MTPN: variants seen among roughly 807,000 people sequenced by gnomAD.
MTPN encodes granule cell differentiation protein.
Under a neutral mutation model 13.5 loss-of-function variants are expected in MTPN, and 2 were observed. The observed-to-expected ratio is 0.15, with a 90% confidence interval of 0.06 to 0.47. MTPN has a LOEUF of 0.47. MTPN is among the 20% of genes least tolerant of loss of function. MTPN has a pLI of 0.97. For missense variants in MTPN, 79 were observed against 137.9 expected (o/e 0.57, Z 2.14); for synonymous variants, 46 against 51.7 (o/e 0.89, Z 0.48).
chr7:135,935,618 A>G (rs1308060238), intron 3 of MTPN, among the ~76,000 whole-genome samples: 1 of 152,190 alleles, frequency 6.6e-6, no homozygotes, highest in East Asian at 1.9e-4. Flanking sequence ...CATACTGTTC[A>G]TATACCTAAA....
chr7:135,937,374 C>A (rs1240594429), intron 3 of MTPN, among the ~76,000 whole-genome samples: 1 of 122,760 alleles, frequency 8.1e-6, no homozygotes, highest in African/African-American at 3.2e-5. Context: ...ACTGGATACA[C>A]ACACACACAC....
Position 135,931,417 on chromosome 7 carries a change from T to C in MTPN, c.271-1405A>G, listed in dbSNP as rs73445823. On this transcript the variant is annotated intron_variant, in intron 3 of 3. Coordinates refer to ENST00000393085, the MANE Select transcript of MTPN (RefSeq NM_145808.4). The stretch of plus-strand genomic sequence containing the variant: ...TCTTGACAAGGAAGTACAGGCTGAT[T>C]AGGTAAACCAGGGAGGAGATGACAT... Among the ~76,000 whole-genome samples the C allele has an allele frequency of 5.8e-3, 886 of 152,244 alleles. 13 individuals carry two copies. Among genetic ancestry groups the C allele is most frequent in the African/African-American group, 0.02 (845 of 41,538 alleles).
At chr7:135,956,919 A>G (rs948761519) in intron 1 of MTPN, among the ~76,000 whole-genome samples, 1 of 152,132 alleles carries the variant, frequency 6.6e-6, no homozygotes, top group Admixed American at 6.6e-5. Flanking sequence ...TGTATTTGCT[A>G]TCTCCAGTGT....
intron 3 of MTPN, among the ~76,000 whole-genome samples, chr7:135,938,121 A>G (rs2116350760): frequency 6.6e-6 from 1 of 152,160 alleles, no homozygotes; most frequent in Non-Finnish European, 1.5e-5. Flanking sequence ...TTGCTTTTTA[A>G]TTTATATTAT....
chr7:135,967,296 A>G (rs548316996), intron 1 of MTPN, among the ~76,000 whole-genome samples: 1 of 152,308 alleles, frequency 6.6e-6, no homozygotes, highest in African/African-American at 2.4e-5. Flanking sequence ...TCACCAAGAA[A>G]CAATAAACTG....
rs113407154 is a variant in MTPN, at chr7:135,929,781, G to C, written c.*145C>G. On this transcript the variant is annotated 3_prime_UTR_variant, in exon 4 of 4. Coordinates refer to ENST00000393085, the MANE Select transcript of MTPN (RefSeq NM_145808.4). ...AAACAATTTTTTTTTTCTGGTAGTCGGATTTGTTATGAATTTCTCTCTCCC... is the reference window on the plus strand; with the variant it reads ...AAACAATTTTTTTTTTCTGGTAGTCCGATTTGTTATGAATTTCTCTCTCCC... 2.2e-4 allele frequency: 170 copies of C among 771,098 alleles called. 1 individual carries two copies. Among genetic ancestry groups the C allele is most frequent in the African/African-American group, 1.7e-3 (96 of 57,180 alleles). The allele number at this position is 771,098 out of a possible 1,614,324, so 47.8% of individuals were successfully genotyped here. A position where few individuals can be genotyped will look rare whatever the true frequency, so the allele number is the denominator to read the frequency against.
chr7:135,948,500 CAATAATTT>C (rs1799317246), intron 3 of MTPN, among the ~76,000 whole-genome samples: 1 of 152,094 alleles, frequency 6.6e-6, no homozygotes, highest in African/African-American at 2.4e-5. Flanking sequence ...AACTCACAAT[CAATAATTT>C]AGCAACACAG....
intron 3 of MTPN, among the ~76,000 whole-genome samples, chr7:135,935,461 C>T (rs770376997): frequency 7.2e-5 from 11 of 152,076 alleles, no homozygotes; most frequent in Non-Finnish European, 1.2e-4. Flanking sequence ...AGGCTGGCCT[C>T]GATCTCCTGA....
At chr7:135,942,174 C>A (rs1799224679) in intron 3 of MTPN, among the ~76,000 whole-genome samples, 2 of 152,250 alleles carry the variant, frequency 1.3e-5, no homozygotes, top group South Asian at 4.1e-4. Context: ...CAGGCGTGAG[C>A]TACTGTGCCC....
intron 1 of MTPN, among the ~76,000 whole-genome samples, chr7:135,969,115 C>A (rs1584821163): frequency 2.4e-5 from 3 of 125,652 alleles, no homozygotes; most frequent in South Asian, 2.5e-4. Flanking sequence ...GGAGGGATAG[C>A]ATTGGGAGAT....
At chr7:135,951,198 T>C (rs1339717775) in intron 2 of MTPN, among the ~76,000 whole-genome samples, 1 of 152,206 alleles carries the variant, frequency 6.6e-6, no homozygotes, top group Non-Finnish European at 1.5e-5. Flanking sequence ...TGCAGAGTCC[T>C]ATGCTGTATT....
intron 1 of MTPN, among the ~76,000 whole-genome samples, chr7:135,956,696 C>CT (rs11397047): frequency 0.17 from 25,650 of 151,750 alleles, 2,555 homozygotes; most frequent in East Asian, 0.26. Context: ...TCCCTTCTTT[C>CT]TTTTTTTTGG....
At chr7:135,938,940 T>G in intron 3 of MTPN, among the ~76,000 whole-genome samples, 1 of 152,326 alleles carries the variant, frequency 6.6e-6, no homozygotes, top group Non-Finnish European at 1.5e-5. Flanking sequence ...TAAGAAATTT[T>G]CTATCCAAAA....
chr7:135,963,167 G>C (rs1228002084), intron 1 of MTPN, among the ~76,000 whole-genome samples: 1 of 152,044 alleles, frequency 6.6e-6, no homozygotes, highest in Non-Finnish European at 1.5e-5. Flanking sequence ...TTCAGTTACA[G>C]TTACGTATTA....
At chr7:135,966,515 G>T (rs1259703765) in intron 1 of MTPN, among the ~76,000 whole-genome samples, 1 of 151,792 alleles carries the variant, frequency 6.6e-6, no homozygotes, top group African/African-American at 2.4e-5. Flanking sequence ...AGTTTCTACC[G>T]AATGTGTATC....
At chr7:135,969,145 G>T (rs1034618336) in intron 1 of MTPN, among the ~76,000 whole-genome samples, 51 of 140,230 alleles carry the variant, frequency 3.6e-4, no homozygotes, top group African/African-American at 1.4e-3. Flanking sequence ...GCTAGATGAC[G>T]AGTTAGTGGG....
At chr7:135,932,716 T>A (rs1799043251) in intron 3 of MTPN, 1 of 152,202 alleles carries the variant, frequency 6.6e-6, no homozygotes, top group Non-Finnish European at 1.5e-5. Flanking sequence ...GGACATTTCA[T>A]AATGATAAAA....
intron 1 of MTPN, among the ~76,000 whole-genome samples, chr7:135,963,362 G>C (rs928373812): frequency 2.6e-5 from 4 of 151,928 alleles, no homozygotes; most frequent in African/African-American, 9.7e-5. Context: ...TTGCAAAAAA[G>C]AATCACCTAT....
In MTPN at chr7:135,929,971, G is replaced by A; in HGVS notation, c.312C>T (p.Ala104=). The change falls in exon 4 of 4, where the codon GCC becomes GCT. Residue 104 remains alanine, a synonymous_variant. Coordinates refer to ENST00000393085, the MANE Select transcript of MTPN (RefSeq NM_145808.4). ...KTVKGPDGLT[A]FEATDNQAIK... Reference sequence around the variant, plus strand: ...TTGCCTGGTTGTCAGTGGCTTCAAAGGCGGTCAGTCCATCTGGGCCTTTCA... The same window carrying A: ...TTGCCTGGTTGTCAGTGGCTTCAAAAGCGGTCAGTCCATCTGGGCCTTTCA... 1.2e-6 allele frequency: 2 copies of A among 1,614,058 alleles called. No homozygotes were observed. The highest frequency in any genetic ancestry group is 1.1e-5 in the South Asian group (1 of 91,074).
Sources: allele counts gnomAD v4.1 joint callset (sites outside exome capture counted in the v4.1 genomes callset), GRCh38; gene constraint gnomAD v4.1.1; transcripts MANE v1.5; gene names NCBI Gene and HGNC (gene_info 2026-07-23, HGNC 2026-07-21).